ZMAT4: variants seen among roughly 807,000 people sequenced by gnomAD.
ZMAT4 encodes zinc finger matrin-type 4.
ZMAT4 carries 17 observed loss-of-function variants against 28.7 expected under a neutral mutation model. The ratio of observed to expected loss-of-function variants is 0.59; its 90% CI spans 0.41 to 0.89. The LOEUF (loss-of-function observed/expected upper bound fraction) is 0.89, where lower values mean the gene tolerates loss of function less well. ZMAT4 is among the 40% of genes least tolerant of loss of function. The pLI is 0.00. For missense variants in ZMAT4, 240 were observed against 283.8 expected, an observed-to-expected ratio of 0.85 and a Z score of 1.11; for synonymous variants, 117 against 109.2, an observed-to-expected ratio of 1.07 and a Z score of -0.44.
chr8:40,736,162 A>G (rs1811753593), intron 3 of ZMAT4, among the ~76,000 whole-genome samples: 1 of 152,154 alleles, frequency 6.6e-6, no homozygotes, highest in African/African-American at 2.4e-5. Flanking sequence ...TCTCCTAGGA[A>G]TCTTTCAACC....
intron 5 of ZMAT4, among the ~76,000 whole-genome samples, chr8:40,597,255 C>T (rs1047873923): frequency 1.3e-5 from 2 of 152,138 alleles, no homozygotes; most frequent in Non-Finnish European, 2.9e-5. Context: ...GACTTGCAGG[C>T]CACTTGATGA....
chr8:40,640,809 A>C (rs569592593), intron 5 of ZMAT4, among the ~76,000 whole-genome samples: 1 of 151,980 alleles, frequency 6.6e-6, no homozygotes, highest in South Asian at 2.1e-4. Flanking sequence ...AAAATACAAA[A>C]ATTAGCGGGC....
intron 1 of ZMAT4, among the ~76,000 whole-genome samples, chr8:40,827,979 T>C (rs749795542): frequency 1.3e-5 from 2 of 152,238 alleles, no homozygotes; most frequent in Non-Finnish European, 2.9e-5. Context: ...AAGATAACAC[T>C]CTTCTATCTA....
intron 5 of ZMAT4, among the ~76,000 whole-genome samples, chr8:40,653,785 A>AT (rs1265674713): frequency 2.6e-5 from 4 of 152,320 alleles, no homozygotes; most frequent in Non-Finnish European, 4.4e-5. Flanking sequence ...AATATTTCAT[A>AT]CAAAAAAAGA....
intron 5 of ZMAT4, among the ~76,000 whole-genome samples, chr8:40,650,927 C>G (rs2118814557): frequency 6.6e-6 from 1 of 151,878 alleles, no homozygotes; most frequent in African/African-American, 2.4e-5. Flanking sequence ...GGACGTATCT[C>G]AAAATAATAA....
chr8:40,681,977 T>C (rs1438860156), intron 4 of ZMAT4, among the ~76,000 whole-genome samples: 1 of 152,076 alleles, frequency 6.6e-6, no homozygotes, highest in Non-Finnish European at 1.5e-5. Context: ...ATGTATAATA[T>C]CAACAAAATC....
chr8:40,608,575 G>A (rs1211987792), intron 5 of ZMAT4, among the ~76,000 whole-genome samples: 2 of 152,090 alleles, frequency 1.3e-5, no homozygotes, highest in African/African-American at 4.8e-5. Flanking sequence ...TGGTATCTTT[G>A]CTCCATCCCC....
intron 6 of ZMAT4, among the ~76,000 whole-genome samples, chr8:40,541,882 C>A (rs1012334162): frequency 2.6e-5 from 4 of 152,206 alleles, no homozygotes; most frequent in Non-Finnish European, 1.5e-5. Context: ...TCCTGGGGTA[C>A]ACATTCTGTG....
At chr8:40,881,070 C>G (rs1286366929) in intron 1 of ZMAT4, among the ~76,000 whole-genome samples, 6 of 152,040 alleles carry the variant, frequency 3.9e-5, no homozygotes, top group Non-Finnish European at 8.8e-5. Context: ...TTATGTAAGC[C>G]TTGATTGAAA....
intron 2 of ZMAT4, among the ~76,000 whole-genome samples, chr8:40,820,857 G>A (rs1016199783): frequency 7.0e-6 from 1 of 143,554 alleles, no homozygotes; most frequent in Non-Finnish European, 1.5e-5. Flanking sequence ...ATGTTTATGT[G>A]TGTTTGTGTG....
At chr8:40,548,575 T>G (rs1009500068) in intron 6 of ZMAT4, among the ~76,000 whole-genome samples, 1 of 152,194 alleles carries the variant, frequency 6.6e-6, no homozygotes, top group African/African-American at 2.4e-5. Flanking sequence ...TTCTGATGAT[T>G]TCTGTGGGTG....
intron 3 of ZMAT4, among the ~76,000 whole-genome samples, chr8:40,744,882 T>C (rs1224481657): frequency 1.3e-5 from 2 of 152,164 alleles, no homozygotes; most frequent in African/African-American, 4.8e-5. Flanking sequence ...TTTGAGAAAT[T>C]TAGGCTTTAG....
intron 5 of ZMAT4, among the ~76,000 whole-genome samples, chr8:40,591,162 G>T (rs997763921): frequency 4.6e-5 from 7 of 152,106 alleles, no homozygotes; most frequent in African/African-American, 1.7e-4. Context: ...GGTGGACCAG[G>T]GAGTCATTAA....
intron 2 of ZMAT4, among the ~76,000 whole-genome samples, chr8:40,786,996 C>G (rs1814113281): frequency 6.6e-6 from 1 of 152,060 alleles, no homozygotes; most frequent in African/African-American, 2.4e-5. Flanking sequence ...CAATAAACAC[C>G]AAGAGTGGTA....
intron 2 of ZMAT4, among the ~76,000 whole-genome samples, chr8:40,798,903 G>A (rs974826529): frequency 9.8e-6 from 1 of 101,732 alleles, no homozygotes; most frequent in Non-Finnish European, 2.1e-5. Context: ...TCTAGCCATT[G>A]GAAGGGGCTT....
At chr8:40,764,909 G>A (rs1461912160) in intron 3 of ZMAT4, among the ~76,000 whole-genome samples, 1 of 152,004 alleles carries the variant, frequency 6.6e-6, no homozygotes, top group Non-Finnish European at 1.5e-5. Context: ...ATAGCTCACT[G>A]CAGCCTCTGA....
At chr8:40,606,307 G>T (rs1422058576) in intron 5 of ZMAT4, among the ~76,000 whole-genome samples, 1 of 152,026 alleles carries the variant, frequency 6.6e-6, no homozygotes, top group East Asian at 1.9e-4. Context: ...GTTCTATTCT[G>T]GTGTATTTTG....
chr8:40,601,422 A>G (rs1392921164), intron 5 of ZMAT4, among the ~76,000 whole-genome samples: 1 of 99,202 alleles, frequency 1.0e-5, no homozygotes, highest in Non-Finnish European at 1.9e-5. Context: ...GGAAGGAAGG[A>G]AGGAAGGAAG....
Position 40,771,542 on chromosome 8 carries a change from T to G in ZMAT4, c.103-3812A>C, listed in dbSNP as rs569044878. ...CATCACTGATCAGAAATGCTGTTAATGTATACTGGTATAATTGTCCACATT... is the reference window on the plus strand; with the variant it reads ...CATCACTGATCAGAAATGCTGTTAAGGTATACTGGTATAATTGTCCACATT... On this transcript the variant is annotated intron_variant, in intron 2 of 6. Transcript: ENST00000297737. Among the ~76,000 whole-genome samples, 25 of 152,370 alleles carry G rather than the reference T, an allele frequency of 1.6e-4. 1 individual carries two copies. The South Asian group carries it at 5.0e-3, about 30-fold the overall frequency.
Sources: allele counts gnomAD v4.1 joint callset (sites outside exome capture counted in the v4.1 genomes callset), GRCh38; gene constraint gnomAD v4.1.1; transcripts MANE v1.5; gene names NCBI Gene and HGNC (gene_info 2026-07-23, HGNC 2026-07-21).